PLCB4: variants seen among roughly 807,000 people sequenced by gnomAD.
The protein encoded by PLCB4 is 1-phosphatidylinositol 4,5-bisphosphate phosphodiesterase beta-4.
A neutral mutation model predicts 178.8 loss-of-function variants in PLCB4; 77 were observed. That is an observed-to-expected ratio of 0.43 (90% CI 0.36 to 0.52). The LOEUF (loss-of-function observed/expected upper bound fraction) is 0.52. Ranked by LOEUF, PLCB4 falls within the 20% of genes least tolerant of loss-of-function variation. The pLI, the probability that PLCB4 is intolerant of heterozygous loss-of-function variation, is 0.00. For missense variants in PLCB4, 1,024 were observed against 1,453.4 expected (o/e 0.70, Z 4.80); for synonymous variants, 496 against 490.8 (o/e 1.01, Z -0.14).
At chr20:9,401,178 T>C (rs1167122385) in intron 19 of PLCB4, among the ~76,000 whole-genome samples, 1 of 152,220 alleles carries the variant, frequency 6.6e-6, no homozygotes, top group Non-Finnish European at 1.5e-5. Context: ...TTTGAGGCTT[T>C]CATTTTTAGA....
intron 28 of PLCB4, among the ~76,000 whole-genome samples, chr20:9,428,187 G>A (rs1165420531): frequency 3.9e-5 from 6 of 152,136 alleles, no homozygotes; most frequent in African/African-American, 1.4e-4. Context: ...AGGACTTCCT[G>A]ATGCAGTTTA....
chr20:9,172,411 T>G (rs1399891669), intron 2 of PLCB4, among the ~76,000 whole-genome samples: 1 of 152,208 alleles, frequency 6.6e-6, no homozygotes, highest in Non-Finnish European at 1.5e-5. Flanking sequence ...GAAGCTTTCC[T>G]CACTGCTATA....
chr20:9,087,319 A>G (rs1233941529), intron 1 of PLCB4, among the ~76,000 whole-genome samples: 2 of 152,222 alleles, frequency 1.3e-5, no homozygotes, highest in Non-Finnish European at 2.9e-5. Context: ...TATACATAGT[A>G]TACTATACAT....
chr20:9,380,590 C>G (rs2037059747), intron 13 of PLCB4, among the ~76,000 whole-genome samples: 1 of 152,142 alleles, frequency 6.6e-6, no homozygotes, highest in Admixed American at 6.6e-5. Context: ...TGCAGTAACC[C>G]TCATTTGACC....
chr20:9,469,859 A>C (rs887207595), intron 36 of PLCB4, among the ~76,000 whole-genome samples: 1 of 152,176 alleles, frequency 6.6e-6, no homozygotes, highest in African/African-American at 2.4e-5. Context: ...ATTCCCAGCG[A>C]TCACCAGTGC....
At chr20:9,294,523 C>T (rs1302986055) in intron 3 of PLCB4, among the ~76,000 whole-genome samples, 1 of 152,104 alleles carries the variant, frequency 6.6e-6, no homozygotes, top group East Asian at 1.9e-4. Context: ...CTGAGAAAAG[C>T]GTGCATTCTA....
At chr20:9,469,969 T>C (rs912991765) in intron 36 of PLCB4, among the ~76,000 whole-genome samples, 1 of 152,168 alleles carries the variant, frequency 6.6e-6, no homozygotes, top group Non-Finnish European at 1.5e-5. Flanking sequence ...GACAGTGGGG[T>C]TCCTTCTTTT....
intron 2 of PLCB4, among the ~76,000 whole-genome samples, chr20:9,116,591 G>A (rs1460345979): frequency 1.3e-5 from 2 of 152,132 alleles, no homozygotes; most frequent in Admixed American, 6.6e-5. Context: ...AGGAGCCTCG[G>A]TTGCCTTCCC....
At chr20:9,378,710 C>T (rs2036887113) in intron 12 of PLCB4, among the ~76,000 whole-genome samples, 1 of 152,120 alleles carries the variant, frequency 6.6e-6, no homozygotes, top group African/African-American at 2.4e-5. Context: ...TCTTAGATTA[C>T]AACAGAAGCA....
chr20:9,257,860 T>C (rs1245088388), intron 3 of PLCB4, among the ~76,000 whole-genome samples: 3 of 152,178 alleles, frequency 2.0e-5, no homozygotes, highest in Non-Finnish European at 4.4e-5. Context: ...AATTTAAATT[T>C]TATCAGGGAG....
chr20:9,147,004 A>G (rs895049406), intron 2 of PLCB4, among the ~76,000 whole-genome samples: 1 of 152,086 alleles, frequency 6.6e-6, no homozygotes, highest in Non-Finnish European at 1.5e-5. Context: ...TCCTCCTCTT[A>G]AGGTGTTTTG....
chr20:9,130,703 C>A (rs914162633), intron 2 of PLCB4, among the ~76,000 whole-genome samples: 3 of 152,116 alleles, frequency 2.0e-5, no homozygotes, highest in African/African-American at 4.8e-5. Flanking sequence ...GTTGGAAATC[C>A]TTTTTGTTAA....
intron 8 of PLCB4, among the ~76,000 whole-genome samples, chr20:9,364,727 C>A (rs2035628715): frequency 6.6e-6 from 1 of 152,200 alleles, no homozygotes; most frequent in South Asian, 2.1e-4. Context: ...ACTAAATCAT[C>A]ATGTTCTGCA....
chr20:9,425,129 G>A (rs759194786), intron 28 of PLCB4, among the ~76,000 whole-genome samples: 8 of 152,094 alleles, frequency 5.3e-5, no homozygotes, highest in African/African-American at 1.7e-4. Flanking sequence ...CCTGGAAAGG[G>A]ATGCTGTGAG....
chr20:9,414,212 G>T (rs916008128), intron 25 of PLCB4, among the ~76,000 whole-genome samples: 2 of 152,258 alleles, frequency 1.3e-5, no homozygotes, highest in Non-Finnish European at 2.9e-5. Context: ...GTGCAGTGGG[G>T]CAGCCCAGCT....
At chr20:9,203,514 A>G (rs961527424) in intron 2 of PLCB4, among the ~76,000 whole-genome samples, 5 of 152,182 alleles carry the variant, frequency 3.3e-5, no homozygotes, top group African/African-American at 1.2e-4. Flanking sequence ...CATTTTCTCT[A>G]TATGCATAGT....
intron 1 of PLCB4, among the ~76,000 whole-genome samples, chr20:9,080,164 C>A (rs969201691): frequency 6.6e-6 from 1 of 152,108 alleles, no homozygotes; most frequent in Non-Finnish European, 1.5e-5. Flanking sequence ...AATGAACAAG[C>A]TGTATTTCCC....
chr20:9,291,038 T>G (rs1176866259), intron 3 of PLCB4, among the ~76,000 whole-genome samples: 1 of 152,178 alleles, frequency 6.6e-6, no homozygotes, highest in Non-Finnish European at 1.5e-5. Flanking sequence ...CCGATTGCCC[T>G]TCTCTTTCCA....
chr20:9,477,081 G>A (rs1415474947), intron 39 of PLCB4, among the ~76,000 whole-genome samples: 1 of 152,226 alleles, frequency 6.6e-6, no homozygotes, highest in Admixed American at 6.5e-5. Flanking sequence ...GGGTCACAGA[G>A]TCAGGTCACT....
Sources: gnomAD v4.1 joint callset for allele counts (sites outside exome capture counted in the v4.1 genomes callset) on GRCh38, gnomAD v4.1.1 for gene constraint, MANE v1.5 for transcripts, NCBI Gene and HGNC (gene_info 2026-07-23, HGNC 2026-07-21) for gene names.